Variants in PKIB observed in about 807,000 individuals in gnomAD.
PKIB encodes PKI-beta.
Under a neutral mutation model 4.5 loss-of-function variants are expected in PKIB, and 2 were observed. The observed-to-expected ratio is 0.44, with a 90% CI of 0.18 to 1.39. The LOEUF (loss-of-function observed/expected upper bound fraction) is 1.39, where lower values mean the gene tolerates loss of function less well. Among genes scored for constraint, PKIB ranks in the 40% most tolerant of loss-of-function variants. The pLI is 0.27. For missense variants in PKIB, 94 were observed against 92.6 expected (o/e 1.02, Z -0.06); for synonymous variants, 38 against 36.0 (o/e 1.06, Z -0.20).
intron 1 of PKIB, among the ~76,000 whole-genome samples, chr6:122,628,950 A>T (rs530054369): frequency 6.6e-6 from 1 of 152,266 alleles, no homozygotes; most frequent in East Asian, 1.9e-4. Context: ...TTCCATGGGG[A>T]ACTCAGCAGC....
At chr6:122,670,865 A>G (rs1364450411) in intron 2 of PKIB, among the ~76,000 whole-genome samples, 4 of 152,218 alleles carry the variant, frequency 2.6e-5, no homozygotes, top group Admixed American at 6.5e-5. Flanking sequence ...TTTTAAAACT[A>G]GGTCTTACAG....
At chr6:122,678,520 G>T (rs1456226942) in intron 3 of PKIB, among the ~76,000 whole-genome samples, 1 of 151,638 alleles carries the variant, frequency 6.6e-6, no homozygotes, top group Non-Finnish European at 1.5e-5. Context: ...GTTTTGTTTT[G>T]TTTTTTTGTG....
At chr6:122,600,014 T>TCTATAGCTATAG (rs1774312360) in intron 3 of PKIB, among the ~76,000 whole-genome samples, 4 of 105,110 alleles carry the variant, frequency 3.8e-5, no homozygotes, top group Admixed American at 2.3e-4. Flanking sequence ...TATATCTATA[T>TCTATAGCTATAG]CTATATCTAT....
At chr6:122,723,841 G>A (rs1417413302) in intron 4 of PKIB, among the ~76,000 whole-genome samples, 1 of 152,048 alleles carries the variant, frequency 6.6e-6, no homozygotes, top group Non-Finnish European at 1.5e-5. Context: ...TTCCACTCCT[G>A]TTTTAATGTC....
At chr6:122,688,326 CTT>C (rs1339934450) in intron 3 of PKIB, among the ~76,000 whole-genome samples, 1 of 152,064 alleles carries the variant, frequency 6.6e-6, no homozygotes, top group Non-Finnish European at 1.5e-5. Context: ...ATGAATGAAA[CTT>C]TTAGTGAAGA....
At chr6:122,518,726 C>T (rs982307999) in intron 2 of PKIB, among the ~76,000 whole-genome samples, 5 of 151,808 alleles carry the variant, frequency 3.3e-5, no homozygotes, top group Non-Finnish European at 5.9e-5. Context: ...CCTTTTAGAC[C>T]GAGAAACTAA....
chr6:122,709,624 A>G (rs530079699), intron 3 of PKIB, among the ~76,000 whole-genome samples: 2 of 152,164 alleles, frequency 1.3e-5, no homozygotes, highest in Non-Finnish European at 2.9e-5. Context: ...TGGAATAAAT[A>G]TGTGGCTACT....
chr6:122,546,083 G>A (rs1244420439), intron 2 of PKIB, among the ~76,000 whole-genome samples: 3 of 152,016 alleles, frequency 2.0e-5, no homozygotes, highest in Admixed American at 6.6e-5. Context: ...AATAGAGGGT[G>A]TCTTAGTGCC....
chr6:122,571,287 C>T (rs913204325), intron 2 of PKIB, among the ~76,000 whole-genome samples: 1 of 151,998 alleles, frequency 6.6e-6, no homozygotes, highest in Non-Finnish European at 1.5e-5. Context: ...AATTGATGTT[C>T]CTGAGGGGGA....
rs1777481286 is a variant in PKIB, at chr6:122,538,560, C to CATGCTGTT, written c.-247-47360_-247-47353dup. ...TATATCTCTGTTTTGGTACCAGTAC[C>CATGCTGTT]ATGCTGTTTTGGTTACTGTAGCCTT... On this transcript the variant is annotated intron_variant, in intron 2 of 6. Coordinates refer to the PKIB transcript ENST00000392491. Among the ~76,000 whole-genome samples, 6 of 152,120 alleles carry CATGCTGTT rather than the reference C, an allele frequency of 3.9e-5. No individual in the cohort carries two copies. The South Asian group carries it at 1.2e-3, about 32-fold the overall frequency.
chr6:122,519,538 T>C (rs572591876), intron 2 of PKIB, among the ~76,000 whole-genome samples: 2 of 152,290 alleles, frequency 1.3e-5, no homozygotes, highest in East Asian at 1.9e-4. Context: ...TTTTAGGTTA[T>C]ACAGCCATAC....
At chr6:122,486,284 C>T (rs1365096356) in intron 2 of PKIB, among the ~76,000 whole-genome samples, 4 of 152,102 alleles carry the variant, frequency 2.6e-5, no homozygotes, top group African/African-American at 9.7e-5. Flanking sequence ...TCATTTTATT[C>T]CCCCTAAACC....
chr6:122,723,604 C>G (rs560664841), intron 4 of PKIB, among the ~76,000 whole-genome samples: 2 of 152,192 alleles, frequency 1.3e-5, no homozygotes, highest in East Asian at 1.9e-4. Context: ...ATTTTCTATT[C>G]CAATTTTCTC....
chr6:122,642,049 T>C (rs1408946376), intron 2 of PKIB, among the ~76,000 whole-genome samples: 2 of 152,190 alleles, frequency 1.3e-5, no homozygotes, highest in Admixed American at 6.5e-5. Context: ...AGCTAGCTGA[T>C]TGATTATATA....
At chr6:122,551,967 T>C (rs1772687922) in intron 2 of PKIB, among the ~76,000 whole-genome samples, 1 of 151,114 alleles carries the variant, frequency 6.6e-6, no homozygotes, top group African/African-American at 2.4e-5. Flanking sequence ...CTTGGGCCAT[T>C]CTAGAGATGG....
At position 122,725,617 on chromosome 6, in the gene PKIB, A is replaced by G. The variant is rs1779924506; in HGVS notation, c.*422A>G. The G allele has an allele frequency of 6.5e-6, 1 of 154,518 alleles. No homozygotes were observed. Among genetic ancestry groups the G allele is most frequent in the Non-Finnish European group, 1.4e-5 (1 of 69,622 alleles). 9.6% of individuals were successfully genotyped at this position (154,518 alleles called of 1,614,324 possible). The stretch of plus-strand genomic sequence containing the variant: ...TCATGGAATTTGTAGAAAATTATGG[A>G]CATTTTTGGTGAGAAAGAACAATAG... On this transcript the variant is annotated 3_prime_UTR_variant, in exon 5 of 5. Coordinates refer to ENST00000368452, the MANE Select transcript of PKIB (RefSeq NM_181795.3).
At chr6:122,515,150 A>G (rs956356320) in intron 2 of PKIB, among the ~76,000 whole-genome samples, 150 of 152,336 alleles carry the variant, frequency 9.8e-4, no homozygotes, top group African/African-American at 3.2e-3. Context: ...ATTCAACCCT[A>G]TTACACAATA....
intron 3 of PKIB, among the ~76,000 whole-genome samples, chr6:122,703,318 G>A (rs1402818527): frequency 1.3e-5 from 2 of 151,934 alleles, no homozygotes; most frequent in Non-Finnish European, 2.9e-5. Flanking sequence ...AATTTTAATG[G>A]GAAAATGCTT....
intron 2 of PKIB, among the ~76,000 whole-genome samples, chr6:122,652,471 G>A (rs1467685539): frequency 1.3e-5 from 2 of 151,974 alleles, no homozygotes; most frequent in African/African-American, 4.8e-5. Flanking sequence ...CTTCATCAGG[G>A]AAAGCACTCA....
Sources: allele counts gnomAD v4.1 joint callset (sites outside exome capture counted in the v4.1 genomes callset), GRCh38; gene constraint gnomAD v4.1.1; transcripts MANE v1.5; gene names NCBI Gene and HGNC (gene_info 2026-07-23, HGNC 2026-07-21).